Variants in CORIN observed in about 807,000 individuals in gnomAD.
CORIN encodes the protein corin, serine peptidase.
CORIN carries 117 observed loss-of-function variants against 125.3 expected under a neutral mutation model. That is an observed-to-expected ratio of 0.93 (90% CI 0.80 to 1.09). The LOEUF is 1.09. Among genes scored for constraint, CORIN ranks in the 50% least tolerant of loss-of-function variants. The pLI, the probability that CORIN is intolerant of heterozygous loss-of-function variation, is 0.00. For missense variants in CORIN, 1,253 were observed against 1,306.7 expected, an observed-to-expected ratio of 0.96 and a Z score of 0.63; for synonymous variants, 450 against 466.4, an observed-to-expected ratio of 0.96 and a Z score of 0.45.
chr4:47,642,614 G>C (rs574606730), intron 15 of CORIN, among the ~76,000 whole-genome samples: 1 of 152,204 alleles, frequency 6.6e-6, no homozygotes, highest in Non-Finnish European at 1.5e-5. Context: ...AAAGAGCTGA[G>C]TGAATGGAAG....
At chr4:47,608,326 A>G (rs79578988) in intron 19 of CORIN, among the ~76,000 whole-genome samples, 9 of 151,430 alleles carry the variant, frequency 5.9e-5, no homozygotes. Context: ...ATCGCCAAAG[A>G]AAAAAAAAGA....
intron 13 of CORIN, among the ~76,000 whole-genome samples, chr4:47,651,239 T>A (rs1253751801): frequency 6.6e-6 from 1 of 152,254 alleles, no homozygotes; most frequent in African/African-American, 2.4e-5. Flanking sequence ...AATAGTTAAT[T>A]GTCCAATTAT....
chr4:47,627,130 A>T (rs1330213495), intron 16 of CORIN, among the ~76,000 whole-genome samples: 2 of 151,994 alleles, frequency 1.3e-5, no homozygotes, highest in African/African-American at 4.8e-5. Context: ...TCACAGGTAC[A>T]TGCAATCACG....
chr4:47,706,887 G>C, intron 5 of CORIN: 5 of 1,599,220 alleles, frequency 3.1e-6, no homozygotes, highest in Middle Eastern at 2.0e-4. Context: ...CGAAAGAGCC[G>C]TGGCCTTGGA....
chr4:47,838,047 C>T lies in CORIN; in HGVS notation c.-98G>A. On this transcript the variant is annotated 5_prime_UTR_variant, in exon 1 of 22. Transcript: ENST00000273857. ...GGGAGGCACTACGGATGATTTTCTC[C>T]AAGCTCAAGAGAGACAAACTGAACT... is the stretch of plus-strand genomic sequence containing the variant. 1.3e-6 allele frequency: 2 copies of T among 1,571,292 alleles called. No individual in the cohort carries two copies. Among genetic ancestry groups the T allele is most frequent in the South Asian group, 2.3e-5 (2 of 88,086 alleles).
At chr4:47,772,086 T>TAGAC (rs1730062804) in intron 3 of CORIN, among the ~76,000 whole-genome samples, 1 of 151,560 alleles carries the variant, frequency 6.6e-6, no homozygotes, top group East Asian at 2.0e-4. Flanking sequence ...CATAGATAGA[T>TAGAC]AGATAGATAG....
At chr4:47,628,352 GTGTAA>G (rs1382487700) in intron 16 of CORIN, among the ~76,000 whole-genome samples, 6 of 152,068 alleles carry the variant, frequency 3.9e-5, no homozygotes, top group African/African-American at 1.2e-4. Context: ...TATTTAAGGG[GTGTAA>G]TGTAATGTTT....
chr4:47,684,242 CAAAT>C (rs1366448935), intron 6 of CORIN, among the ~76,000 whole-genome samples: 3 of 152,110 alleles, frequency 2.0e-5, no homozygotes, highest in South Asian at 2.1e-4. Flanking sequence ...ATAAACATAA[CAAAT>C]AAAATAAGTC....
In CORIN at chr4:47,789,327, A is replaced by T. The variant is rs187049689; in HGVS notation, c.209-2402T>A. ...CTCAAAAATAAATAAATAAATAAAT[A>T]AAAATAAAGTCTTCATAACATCTGT... On this transcript the variant is annotated intron_variant, in intron 2 of 21. Transcript: ENST00000273857. 2.4e-3 allele frequency among the ~76,000 whole-genome samples: 366 copies of T among 152,234 alleles called. 3 individuals carry two copies. The highest frequency in any genetic ancestry group is 2.4e-3 in the Non-Finnish European group (162 of 68,016).
intron 3 of CORIN, among the ~76,000 whole-genome samples, chr4:47,771,320 C>A (rs1169343286): frequency 1.3e-5 from 2 of 152,060 alleles, no homozygotes; most frequent in Non-Finnish European, 2.9e-5. Context: ...AGAATGATTT[C>A]TGGGAAAAAT....
intron 3 of CORIN, among the ~76,000 whole-genome samples, chr4:47,779,835 G>C (rs1376853173): frequency 5.9e-5 from 9 of 152,288 alleles, no homozygotes; most frequent in Middle Eastern, 6.8e-3. Context: ...GTTTTGAATT[G>C]GTGCGTAAGC....
chr4:47,790,660 G>T (rs1731037736), intron 2 of CORIN, among the ~76,000 whole-genome samples: 1 of 152,084 alleles, frequency 6.6e-6, no homozygotes, highest in Non-Finnish European at 1.5e-5. Flanking sequence ...GTAACTGTTA[G>T]TCATTACTAC....
intron 4 of CORIN, among the ~76,000 whole-genome samples, chr4:47,748,048 G>T (rs1305129227): frequency 6.6e-6 from 1 of 152,098 alleles, no homozygotes; most frequent in Non-Finnish European, 1.5e-5. Flanking sequence ...TGTCTACTGT[G>T]TTTCCAAATA....
intron 6 of CORIN, among the ~76,000 whole-genome samples, chr4:47,691,955 T>C (rs1438364401): frequency 1.3e-5 from 2 of 152,138 alleles, no homozygotes; most frequent in Non-Finnish European, 2.9e-5. Context: ...CAAGCACTTA[T>C]TACATCTTGG....
chr4:47,701,361 G>C (rs1448739449), intron 5 of CORIN, among the ~76,000 whole-genome samples: 1 of 152,006 alleles, frequency 6.6e-6, no homozygotes, highest in Non-Finnish European at 1.5e-5. Flanking sequence ...TTTTTCCTTT[G>C]AAATAAAGCT....
intron 2 of CORIN, among the ~76,000 whole-genome samples, chr4:47,792,138 G>A (rs1314104875): frequency 6.6e-6 from 1 of 152,090 alleles, no homozygotes. Flanking sequence ...GGAGAGTGGC[G>A]TGGCAAGAGG....
At chr4:47,829,180 AAAAAAG>A in intron 1 of CORIN, among the ~76,000 whole-genome samples, 2 of 151,506 alleles carry the variant, frequency 1.3e-5, no homozygotes, top group African/African-American at 2.4e-5. Flanking sequence ...AAAAAAAAAA[AAAAAAG>A]GTGAAATATT....
At chr4:47,799,972 T>C (rs1168925376) in intron 2 of CORIN, among the ~76,000 whole-genome samples, 2 of 152,166 alleles carry the variant, frequency 1.3e-5, no homozygotes, top group Admixed American at 6.5e-5. Context: ...TAAAAACATA[T>C]GCTAAGGGAA....
chr4:47,787,399 TGCC>T lies in CORIN; in HGVS notation c.209-477_209-475del, dbSNP rs569986095. ...TGTCATCAAAGGACACAATGGTGCT[TGCC>T]ATCAGCTTTATATTTCCCACATTTT... On this transcript the variant is annotated intron_variant, in intron 2 of 21. Transcript: ENST00000273857. 2.8e-3 allele frequency among the ~76,000 whole-genome samples: 422 copies of T among 152,250 alleles called. 2 individuals carry two copies. Among genetic ancestry groups the T allele is most frequent in the Admixed American group, 4.7e-3 (72 of 15,286 alleles).
Sources: gnomAD v4.1 joint callset for allele counts (sites outside exome capture counted in the v4.1 genomes callset) on GRCh38, gnomAD v4.1.1 for gene constraint, MANE v1.5 for transcripts, NCBI Gene and HGNC (gene_info 2026-07-23, HGNC 2026-07-21) for gene names.